ADGRB3: variants seen among roughly 807,000 people sequenced by gnomAD.
ADGRB3 encodes the protein brain-specific angiogenesis inhibitor 3.
A neutral mutation model predicts 193.4 loss-of-function variants in ADGRB3; 37 were observed. That is an observed-to-expected ratio of 0.19 (90% confidence interval 0.15 to 0.25). The LOEUF is 0.25. Ranked by LOEUF, ADGRB3 falls within the 10% of genes least tolerant of loss-of-function variation. The pLI is 1.00. For missense variants in ADGRB3, 1,637 were observed against 1,852.9 expected (o/e 0.88, Z 2.14); for synonymous variants, 690 against 644.2 (o/e 1.07, Z -1.08).
chr6:68,739,699 G>C (rs1453777182), intron 3 of ADGRB3, among the ~76,000 whole-genome samples: 1 of 152,130 alleles, frequency 6.6e-6, no homozygotes, highest in African/African-American at 2.4e-5. Flanking sequence ...CCAGAAAAGA[G>C]AGTTAATCTG....
chr6:68,876,676 T>C (rs2150222493), intron 3 of ADGRB3, among the ~76,000 whole-genome samples: 1 of 152,322 alleles, frequency 6.6e-6, no homozygotes, highest in East Asian at 1.9e-4. Flanking sequence ...AAATACTTTC[T>C]TTTTATGGAT....
At chr6:68,793,684 A>G (rs1283154567) in intron 3 of ADGRB3, among the ~76,000 whole-genome samples, 1 of 152,062 alleles carries the variant, frequency 6.6e-6, no homozygotes, top group African/African-American at 2.4e-5. Flanking sequence ...GCGTGCCACC[A>G]TGCTCGGCTA....
intron 17 of ADGRB3, among the ~76,000 whole-genome samples, chr6:69,172,155 C>A (rs1314412145): frequency 6.6e-6 from 1 of 152,114 alleles, no homozygotes; most frequent in Non-Finnish European, 1.5e-5. Flanking sequence ...ACCTATCCCC[C>A]ACATTTCTTT....
intron 17 of ADGRB3, among the ~76,000 whole-genome samples, chr6:69,104,280 T>C (rs1582463718): frequency 6.7e-6 from 1 of 148,680 alleles, no homozygotes; most frequent in African/African-American, 2.5e-5. Context: ...AGTGAGAATA[T>C]GCGGTGTTTG....
chr6:69,070,421 G>C (rs1772046799), intron 16 of ADGRB3, among the ~76,000 whole-genome samples: 1 of 152,118 alleles, frequency 6.6e-6, no homozygotes, highest in Non-Finnish European at 1.5e-5. Flanking sequence ...TCTTAAATCA[G>C]GGTAATGAAC....
intron 3 of ADGRB3, among the ~76,000 whole-genome samples, chr6:68,790,866 TA>T (rs1767092295): frequency 6.6e-6 from 1 of 152,134 alleles, no homozygotes; most frequent in Admixed American, 6.5e-5. Context: ...CCGGAAACTC[TA>T]AAAATCAGAG....
chr6:69,262,398 A>G (rs1453431535), intron 20 of ADGRB3, among the ~76,000 whole-genome samples: 9 of 151,954 alleles, frequency 5.9e-5, no homozygotes, highest in Non-Finnish European at 1.2e-4. Context: ...TTTTTTCTTC[A>G]TCCTTGTTCC....
chr6:68,937,245 G>A (rs1471035488), intron 5 of ADGRB3, among the ~76,000 whole-genome samples: 1 of 151,936 alleles, frequency 6.6e-6, no homozygotes, highest in Admixed American at 6.6e-5. Context: ...GAGAGAGAGA[G>A]AGATCTTTAA....
chr6:69,075,929 A>T (rs1772216014), intron 16 of ADGRB3, 66 bp from the exon 17 acceptor site: 1 of 1,203,484 alleles, frequency 8.3e-7, no homozygotes, highest in Admixed American at 1.8e-5. Context: ...TCTATTTCAC[A>T]TAATCCCTCA....
At chr6:69,347,001 A>G (rs141335534) in intron 26 of ADGRB3, among the ~76,000 whole-genome samples, 71 of 152,330 alleles carry the variant, frequency 4.7e-4, no homozygotes, top group African/African-American at 1.6e-3. Flanking sequence ...AATGTGGCAC[A>G]TACACACCAT....
At chr6:69,062,091 C>G (rs187762015) in intron 15 of ADGRB3, among the ~76,000 whole-genome samples, 1 of 151,808 alleles carries the variant, frequency 6.6e-6, no homozygotes, top group Non-Finnish European at 1.5e-5. Context: ...CAATTCCAAA[C>G]AGGAATATAT....
At chr6:69,248,006 G>A (rs577031283) in intron 20 of ADGRB3, among the ~76,000 whole-genome samples, 9 of 152,108 alleles carry the variant, frequency 5.9e-5, no homozygotes, top group Non-Finnish European at 1.2e-4. Flanking sequence ...AGATGGTTGA[G>A]TTAAATCAGA....
At chr6:68,671,203 T>C (rs1348934606) in intron 3 of ADGRB3, among the ~76,000 whole-genome samples, 1 of 151,972 alleles carries the variant, frequency 6.6e-6, no homozygotes, top group East Asian at 1.9e-4. Flanking sequence ...TCTGTAAACA[T>C]GGATAATTTG....
chr6:68,905,852 C>G (rs911423675), intron 3 of ADGRB3, among the ~76,000 whole-genome samples: 3 of 152,132 alleles, frequency 2.0e-5, no homozygotes, highest in African/African-American at 7.2e-5. Context: ...AGGAACCTGA[C>G]CACTGCCTCA....
chr6:69,106,202 A>C (rs1246232309), intron 17 of ADGRB3, among the ~76,000 whole-genome samples: 1 of 151,224 alleles, frequency 6.6e-6, no homozygotes, highest in Non-Finnish European at 1.5e-5. Context: ...AAGAAAAAAG[A>C]AAAGAAACTT....
At chr6:69,229,115 A>T (rs1405148376) in intron 17 of ADGRB3, among the ~76,000 whole-genome samples, 1 of 152,138 alleles carries the variant, frequency 6.6e-6, no homozygotes, top group Admixed American at 6.5e-5. Flanking sequence ...TGATTTTATG[A>T]TTCATTGTAT....
chr6:69,329,464 A>G (rs1768661780), intron 22 of ADGRB3, among the ~76,000 whole-genome samples: 2 of 152,282 alleles, frequency 1.3e-5, no homozygotes, highest in South Asian at 4.1e-4. Flanking sequence ...TTAAGATATA[A>G]TTTACATAGA....
chr6:68,672,590 C>T (rs79719403), intron 3 of ADGRB3, among the ~76,000 whole-genome samples: 2 of 151,896 alleles, frequency 1.3e-5, no homozygotes, highest in Admixed American at 1.3e-4. Context: ...GCAAAGATCA[C>T]AGGGCTGCCT....
rs368294481 is a variant in ADGRB3, at chr6:68,700,847, G to A, written c.757+61415G>A. 1.7e-4 allele frequency among the ~76,000 whole-genome samples: 26 copies of A among 150,240 alleles called. No individual in the cohort carries two copies. The East Asian group carries it at 4.2e-3, about 24-fold the overall frequency. Reference sequence around the variant, plus strand: ...AGGGTGGGGGGAGGGGGGAGGGATAGCATTAGGAGATATACCTAATGTAAA... The same window carrying A: ...AGGGTGGGGGGAGGGGGGAGGGATAACATTAGGAGATATACCTAATGTAAA... On this transcript the variant is annotated intron_variant, in intron 3 of 31. Transcript: ENST00000370598.
Sources: allele counts gnomAD v4.1 joint callset (sites outside exome capture counted in the v4.1 genomes callset), GRCh38; gene constraint gnomAD v4.1.1; transcripts MANE v1.5; gene names NCBI Gene and HGNC (gene_info 2026-07-23, HGNC 2026-07-21).